The following LAMA1 variants were observed in gnomAD, a reference collection of about 807,000 sequenced individuals.
LAMA1 encodes the protein laminin subunit alpha 1.
LAMA1 carries 219 observed loss-of-function variants against 348.7 expected under a neutral mutation model. The ratio of observed to expected loss-of-function variants is 0.63; its 90% CI spans 0.56 to 0.70. The LOEUF (loss-of-function observed/expected upper bound fraction) is 0.70, where lower values mean the gene tolerates loss of function less well. Among genes scored for constraint, LAMA1 ranks in the 30% least tolerant of loss-of-function variants. LAMA1 has a pLI of 0.00. For missense variants in LAMA1, 3,744 were observed against 3,888.0 expected (o/e 0.96, Z 0.99); for synonymous variants, 1,487 against 1,491.0 (o/e 1.00, Z 0.06).
At chr18:6,995,472 A>G in intron 33 of LAMA1, 26 bp from the exon 34 acceptor site, 1 of 1,198,118 alleles carries the variant, frequency 8.3e-7, no homozygotes, top group Non-Finnish European at 1.2e-6. Context: ...GAAACAAATT[A>G]CAATGCTTCG....
chr18:7,014,124 C>T, intron 22 of LAMA1, 73 bp from the exon 23 acceptor site: 1 of 1,129,248 alleles, frequency 8.9e-7, no homozygotes, highest in East Asian at 2.4e-5. Flanking sequence ...ATTTGAATTA[C>T]AGGAAAACAC....
At position 7,016,688 on chromosome 18, in the gene LAMA1, G is replaced by A. The variant is rs766094803; in HGVS notation, c.2809-17C>T. 1.6e-5 allele frequency: 25 copies of A among 1,602,892 alleles called. No individual in the cohort carries two copies. In the Admixed American group the frequency reaches 4.1e-4, roughly 26 times the overall value. On this transcript the variant is annotated splice_polypyrimidine_tract_variant and intron_variant, in intron 20 of 62. Coordinates refer to ENST00000389658, the MANE Select transcript of LAMA1 (RefSeq NM_005559.4). The stretch of plus-strand genomic sequence containing the variant: ...ATAGCCATGCTGTTTCACCAAAGGG[G>A]GAGAAAGTGGAAACCAACATACGTT...
rs1000298760 is a variant in LAMA1 at position 6,993,648 on chromosome 18, G to C, written c.5001C>G (p.Ser1667Arg). ...LAIAIERLQM[S>R]ITEIMEKTTL... Reference sequence around the variant, plus strand: ...AGACACTGCCCACACTACCTGTGATGCTCATCTGCAGCCTCTCAATGGCTA... The same window carrying C: ...AGACACTGCCCACACTACCTGTGATCCTCATCTGCAGCCTCTCAATGGCTA... Residue 1667 changes from serine to arginine, a missense_variant, in exon 35 of 63, where the codon AGC becomes AGG. Physicochemically the swap from Ser to Arg is moderately radical, Grantham distance 110. Coordinates refer to ENST00000389658, the MANE Select transcript of LAMA1 (RefSeq NM_005559.4). 6.2e-7 allele frequency: 1 copy of C among 1,608,770 alleles called. No homozygotes were observed.
In LAMA1 at chr18:7,042,172, C is replaced by A; in HGVS notation, c.1234G>T (p.Asp412Tyr). Residue 412 changes from aspartate (D) to tyrosine (Y), a missense_variant, in exon 9 of 63, where the codon GAT becomes TAT. Asp to Tyr is a radical substitution (Grantham distance 160, BLOSUM62 -3). Coordinates refer to ENST00000389658, the MANE Select transcript of LAMA1 (RefSeq NM_005559.4). ...TTGTGTAAGTCAGAATGGAGGTCAT[C>A]CTTAATACAGACAGAACTGAGGGAC... is the stretch of plus-strand genomic sequence containing the variant. ...VGSLSSVCIK[D>Y]DLHSDLHNGK... The A allele has an allele frequency of 2.5e-6, 4 of 1,612,290 alleles. No homozygotes were observed. The highest frequency in any genetic ancestry group is 3.4e-6 in the Non-Finnish European group (4 of 1,178,930).
chr18:6,958,902 G>A (rs562177121), intron 54 of LAMA1, among the ~76,000 whole-genome samples: 45 of 152,102 alleles, frequency 3.0e-4, no homozygotes, highest in African/African-American at 1.0e-3. Flanking sequence ...TTGCTTTTTG[G>A]AGAGATTTTC....
In LAMA1 at chr18:7,012,476, AATATTATTATTATTATTATT is replaced by A. The variant is rs958973796; in HGVS notation, c.3364-358_3364-339del. ...TGTGAGAGCCACCGGCCAGGTGATA[AATATTATTATTATTATTATT>A]ATATTATTATTATTATTATTATTAT... On this transcript the variant is annotated intron_variant, in intron 23 of 62. Transcript: ENST00000389658. 3.9e-4 allele frequency among the ~76,000 whole-genome samples: 55 copies of A among 140,810 alleles called. 1 individual carries two copies. In the South Asian group the frequency reaches 8.5e-3, roughly 22 times the overall value. The allele number at this position is 140,810 out of a possible 152,430, so 92.4% of individuals were successfully genotyped here. A position where few individuals can be genotyped will look rare whatever the true frequency, so the allele number is the denominator to read the frequency against.
At chr18:6,971,365 A>T (rs752324979) in intron 48 of LAMA1, among the ~76,000 whole-genome samples, 8 of 152,174 alleles carry the variant, frequency 5.3e-5, no homozygotes, top group Non-Finnish European at 1.2e-4. Context: ...GAAAGTACTT[A>T]GCTGTAAAAA....
chr18:7,024,999 T>G (rs656734), intron 17 of LAMA1, among the ~76,000 whole-genome samples: 56,383 of 152,082 alleles, frequency 0.37, 11,439 homozygotes, highest in African/African-American at 0.54. Flanking sequence ...ACCTTGAGGA[T>G]CCTGTGCAGG....
At chr18:7,098,225 T>C (rs1431437882) in intron 1 of LAMA1, among the ~76,000 whole-genome samples, 4 of 152,232 alleles carry the variant, frequency 2.6e-5, no homozygotes, top group Admixed American at 6.5e-5. Context: ...GCCGCCTGCC[T>C]TGGCCTCCCA....
chr18:7,008,139 C>T (rs1476597040), intron 28 of LAMA1, among the ~76,000 whole-genome samples: 1 of 151,706 alleles, frequency 6.6e-6, no homozygotes, highest in African/African-American at 2.4e-5. Flanking sequence ...TACATAGAGA[C>T]CAAAAGGAGA....
intron 3 of LAMA1, among the ~76,000 whole-genome samples, chr18:7,058,641 C>T (rs2058091437): frequency 6.6e-6 from 1 of 152,140 alleles, no homozygotes; most frequent in Admixed American, 6.5e-5. Context: ...AGAGGGAAGA[C>T]CATGTGAGGA....
chr18:6,974,027 C>T (rs562994265), intron 46 of LAMA1, among the ~76,000 whole-genome samples: 200 of 152,254 alleles, frequency 1.3e-3, no homozygotes, highest in Non-Finnish European at 2.0e-3. Flanking sequence ...AAACAATCCT[C>T]CCACCTCGGC....
chr18:6,954,981 G>A, intron 57 of LAMA1: 1 of 352,294 alleles, frequency 2.8e-6, no homozygotes, highest in Non-Finnish European at 5.5e-6. Flanking sequence ...CCACCACAGT[G>A]TAAGAGTTTG....
At chr18:7,012,173 TA>T in intron 23 of LAMA1, 35 bp from the exon 24 acceptor site, 1 of 1,608,604 alleles carries the variant, frequency 6.2e-7, no homozygotes, top group East Asian at 2.2e-5. Flanking sequence ...CGTTTTTGCC[TA>T]AAAAAGAGAT....
At position 7,043,375 on chromosome 18, in the gene LAMA1, C is replaced by G. The variant is rs777604414; in HGVS notation, c.1007G>C (p.Cys336Ser). ...CTTTGCAACACTTTCATCATAGTAA[C>G]AGTCTTTGGCTTTATTGTGACAATT... ...ACNCHNKAKD[C>S]YYDESVAKQK... is the part of the protein sequence containing the mutation. The change falls in exon 8 of 63, where the codon TGT becomes TCT. Residue 336 changes from cysteine (C) to serine (S), a missense_variant. Cys to Ser is a moderately radical substitution (Grantham distance 112, BLOSUM62 -1). Coordinates refer to ENST00000389658, the MANE Select transcript of LAMA1 (RefSeq NM_005559.4). The G allele has an allele frequency of 6.2e-7, 1 of 1,613,782 alleles. No homozygotes were observed. Among genetic ancestry groups the G allele is most frequent in the South Asian group, 1.1e-5 (1 of 91,076 alleles).
At chr18:6,966,391 G>T in intron 48 of LAMA1, 94 bp from the exon 49 acceptor site, 2 of 1,044,140 alleles carry the variant, frequency 1.9e-6, no homozygotes, top group Non-Finnish European at 2.9e-6. Flanking sequence ...AAAGATCACT[G>T]TAGAGCTATT....
intron 3 of LAMA1, among the ~76,000 whole-genome samples, chr18:7,051,716 A>G (rs2058062950): frequency 6.6e-6 from 1 of 152,148 alleles, no homozygotes; most frequent in Non-Finnish European, 1.5e-5. Context: ...TAAAATTGAG[A>G]AAAAAGTCAG....
intron 3 of LAMA1, among the ~76,000 whole-genome samples, chr18:7,052,303 C>T (rs181920318): frequency 2.6e-5 from 4 of 152,026 alleles, no homozygotes; most frequent in East Asian, 1.9e-4. Context: ...TGGTGGCAGG[C>T]GCCTGTAGTC....
rs758784482 is a variant in LAMA1, at chr18:6,995,360, C to G, written c.4893G>C (p.Lys1631Asn). The G allele has an allele frequency of 3.1e-6, 5 of 1,611,060 alleles. No homozygotes were observed. In the East Asian group the frequency reaches 1.1e-4, roughly 36 times the overall value. ...GTTGGTTATGGAAAGAATTTACCTT[C>G]TTTTGCAGGTTGTCCGTTTCTTCTG... ...GVAEETDNLQKKLTRMLASTQ... is the reference protein window; with the variant it reads ...GVAEETDNLQNKLTRMLASTQ... The change falls in exon 34 of 63, where the codon AAG becomes AAC. Residue 1631 changes from lysine to asparagine, a missense_variant. Lys to Asn is a moderately conservative substitution (Grantham distance 94). Transcript: ENST00000389658.
Sources: gnomAD v4.1 joint callset for allele counts (sites outside exome capture counted in the v4.1 genomes callset) on GRCh38, gnomAD v4.1.1 for gene constraint, MANE v1.5 for transcripts, NCBI Gene and HGNC (gene_info 2026-07-23, HGNC 2026-07-21) for gene names.